BTG4: variants seen among roughly 807,000 people sequenced by gnomAD.
The protein encoded by BTG4 is BTG anti-proliferation factor 4.
A neutral mutation model predicts 19.3 loss-of-function variants in BTG4; 10 were observed. That is an observed-to-expected ratio of 0.52 (90% CI 0.32 to 0.88). The LOEUF is 0.88. Ranked by LOEUF, BTG4 falls within the 40% of genes least tolerant of loss-of-function variation. The pLI is 0.04. For missense variants in BTG4, 238 were observed against 281.9 expected (o/e 0.84, Z 1.11); for synonymous variants, 91 against 95.7 (o/e 0.95, Z 0.29).
chr11:111,496,774 T>G (rs1163875976), intron 4 of BTG4: 1 of 176,926 alleles, frequency 5.7e-6, no homozygotes, highest in African/African-American at 2.3e-5. Flanking sequence ...GAATGGGTTA[T>G]GGTTTAAAAA....
the BTG4 span, among the ~76,000 whole-genome samples, chr11:111,424,296 T>C: frequency 1.3e-5 from 2 of 152,206 alleles, no homozygotes; most frequent in Non-Finnish European, 1.5e-5. Flanking sequence ...GAAACTAGCC[T>C]GGGCTCTAGA....
At chr11:111,490,487 A>G (rs1447781424), downstream of BTG4, among the ~76,000 whole-genome samples, 5 of 152,228 alleles carry the variant, frequency 3.3e-5, no homozygotes, top group African/African-American at 4.8e-5. Flanking sequence ...CAAGGTACAA[A>G]CTGGAAGAAA....
At chr11:111,496,537 AACATTTAATACATAGGTGATT>A (rs1865742111) in intron 4 of BTG4, 1 of 152,232 alleles carries the variant, frequency 6.6e-6, no homozygotes, top group Non-Finnish European at 1.5e-5. Flanking sequence ...TAATTGCTTT[AACATTTAATACATAGGTGATT>A]AAGAGAACAT....
chr11:111,506,529 A>G (rs1303350994), intron 1 of BTG4, among the ~76,000 whole-genome samples: 1 of 152,100 alleles, frequency 6.6e-6, no homozygotes, highest in Non-Finnish European at 1.5e-5. Flanking sequence ...AATGCCTAAT[A>G]CTGGGGTGAT....
chr11:111,453,332 C>T, the BTG4 span: 83 of 375,600 alleles, frequency 2.2e-4, 2 homozygotes, highest in Non-Finnish European at 5.4e-5. Flanking sequence ...CGACCTGTTT[C>T]CTTTCAGAGT....
the BTG4 span, among the ~76,000 whole-genome samples, chr11:111,426,110 A>T: frequency 6.6e-6 from 1 of 152,182 alleles, no homozygotes; most frequent in African/African-American, 2.4e-5. Context: ...ATTATCCAAA[A>T]ACCAGGGTGT....
chr11:111,428,186 G>A, the BTG4 span, among the ~76,000 whole-genome samples: 30 of 152,292 alleles, frequency 2.0e-4, no homozygotes, highest in Admixed American at 1.4e-3. Flanking sequence ...CTGGGATTTG[G>A]TAGAGTATAG....
chr11:111,455,733 CT>C, the BTG4 span: 3 of 434,830 alleles, frequency 6.9e-6, no homozygotes, highest in South Asian at 1.6e-5. Flanking sequence ...TTTCCCACCC[CT>C]GATTGCTCCT....
chr11:111,404,621 C>T, the BTG4 span: 5 of 456,116 alleles, frequency 1.1e-5, no homozygotes, highest in Non-Finnish European at 2.2e-5. Flanking sequence ...ACTTACCTAC[C>T]ATCTCTGATG....
At chr11:111,456,695 A>T in the BTG4 span, 8 of 375,292 alleles carry the variant, frequency 2.1e-5, no homozygotes, top group African/African-American at 1.7e-4. The surrounding 1 kb of genome is among the most constrained non-coding windows in gnomAD (Gnocchi z 4.2). Flanking sequence ...CTGGGATATG[A>T]TCTGCTGAGA....
intron 5 of BTG4, among the ~76,000 whole-genome samples, chr11:111,468,872 C>T (rs975746393): frequency 3.9e-5 from 6 of 152,086 alleles, no homozygotes; most frequent in Non-Finnish European, 7.4e-5. Context: ...TCTTATTACA[C>T]AAAAGTTTGA....
At chr11:111,403,241 A>G in the BTG4 span, among the ~76,000 whole-genome samples, 52 of 152,224 alleles carry the variant, frequency 3.4e-4, no homozygotes, top group Admixed American at 2.6e-4. Flanking sequence ...AATTGTGTAC[A>G]TAGAAATCTG....
intron 5 of BTG4, among the ~76,000 whole-genome samples, chr11:111,472,091 T>G (rs946146953): frequency 6.6e-6 from 1 of 152,224 alleles, no homozygotes; most frequent in East Asian, 1.9e-4. Context: ...CACCCTTGTT[T>G]CTCTTCAGCC....
the BTG4 span, chr11:111,417,495 G>T: frequency 4.6e-5 from 1 of 21,746 alleles, no homozygotes; most frequent in African/African-American, 7.9e-5. Context: ...GGCTCTTTTG[G>T]TTCCATCTTG....
chr11:111,461,851 G>A, the BTG4 span: 1 of 152,756 alleles, frequency 6.5e-6, no homozygotes, highest in East Asian at 1.9e-4. Flanking sequence ...GGGGCCATGA[G>A]CAGAAAAAGC....
the BTG4 span, among the ~76,000 whole-genome samples, chr11:111,403,544 C>A: frequency 6.6e-6 from 1 of 152,198 alleles, no homozygotes; most frequent in Admixed American, 6.5e-5. Context: ...AAAGTCCATT[C>A]AACCAAAACT....
At chr11:111,423,665 G>T in the BTG4 span, among the ~76,000 whole-genome samples, 6 of 152,090 alleles carry the variant, frequency 3.9e-5, no homozygotes, top group African/African-American at 7.2e-5. Context: ...AATATAACAT[G>T]CTTGGTTCTC....
chr11:111,491,830 T>C (rs1336027204), downstream of BTG4, among the ~76,000 whole-genome samples: 2 of 151,934 alleles, frequency 1.3e-5, no homozygotes, highest in Non-Finnish European at 2.9e-5. Flanking sequence ...ATTAGGAAGA[T>C]CTAATTTGGT....
intron 1 of BTG4, among the ~76,000 whole-genome samples, chr11:111,508,727 T>C (rs2135737312): frequency 6.6e-6 from 1 of 150,544 alleles, no homozygotes; most frequent in African/African-American, 2.4e-5. Flanking sequence ...CACTTTTTCA[T>C]ATAACCATCT....
Sources: gnomAD v4.1 joint callset for allele counts (sites outside exome capture counted in the v4.1 genomes callset) on GRCh38, gnomAD v4.1.1 for gene constraint, Gnocchi (gnomAD v3.1) non-coding constraint, MANE v1.5 for transcripts, NCBI Gene and HGNC (gene_info 2026-07-23, HGNC 2026-07-21) for gene names.